Variants in DPYD observed in about 807,000 individuals in gnomAD.
DPYD encodes dihydropyrimidine dehydrogenase.
In DPYD, 109 loss-of-function variants were observed where a neutral mutation model predicts 116.2. The observed-to-expected ratio is 0.94, with a 90% CI of 0.80 to 1.10. The LOEUF is 1.10. Among genes scored for constraint, DPYD ranks in the 50% least tolerant of loss-of-function variants. The probability of loss-of-function intolerance (pLI) is 0.00; values close to 1 mark genes in which losing one functional copy is unlikely to be tolerated. For missense variants in DPYD, 1,302 were observed against 1,254.5 expected (o/e 1.04, Z -0.57); for synonymous variants, 440 against 432.0 (o/e 1.02, Z -0.23).
intron 20 of DPYD, among the ~76,000 whole-genome samples, chr1:97,111,266 T>A (rs142966421): frequency 6.6e-6 from 1 of 152,094 alleles, no homozygotes; most frequent in East Asian, 1.9e-4. Context: ...ATAGAAACTA[T>A]GACAGATGAT....
At chr1:97,545,302 TTATATAAATAAATGTCA>T (rs1192171678) in intron 12 of DPYD, among the ~76,000 whole-genome samples, 5 of 152,178 alleles carry the variant, frequency 3.3e-5, no homozygotes, top group African/African-American at 1.2e-4. Context: ...TCCTATTAAT[TTATATAAATAAATGTCA>T]GTTTCCTTTG....
intron 3 of DPYD, among the ~76,000 whole-genome samples, chr1:97,781,904 A>G (rs890405272): frequency 2.0e-5 from 3 of 152,178 alleles, no homozygotes; most frequent in African/African-American, 7.2e-5. Flanking sequence ...TCCACAGAGG[A>G]GAAGACTGAG....
At chr1:97,739,961 T>TA (rs745528344) in intron 4 of DPYD, among the ~76,000 whole-genome samples, 7 of 152,144 alleles carry the variant, frequency 4.6e-5, no homozygotes, top group South Asian at 2.1e-4. Flanking sequence ...GTCTTAAACA[T>TA]ATTAACTGAA....
chr1:97,750,261 C>T (rs894400859), intron 3 of DPYD, among the ~76,000 whole-genome samples: 1 of 150,816 alleles, frequency 6.6e-6, no homozygotes, highest in African/African-American at 2.4e-5. Context: ...GTGCATGTAC[C>T]CTAGAACTTA....
At chr1:97,123,183 G>A (rs1346964430) in intron 20 of DPYD, among the ~76,000 whole-genome samples, 11 of 152,006 alleles carry the variant, frequency 7.2e-5, no homozygotes, top group Non-Finnish European at 1.0e-4. Context: ...AACATTGTAG[G>A]TTCTCATTTG....
chr1:97,308,317 C>G (rs563623663), intron 16 of DPYD: 7 of 151,786 alleles, frequency 4.6e-5, no homozygotes, highest in African/African-American at 1.7e-4. Flanking sequence ...ATTTGACCCT[C>G]CATGAGTAAA....
At chr1:97,396,631 G>A (rs756258961) in intron 14 of DPYD, among the ~76,000 whole-genome samples, 1 of 152,050 alleles carries the variant, frequency 6.6e-6, no homozygotes, top group South Asian at 2.1e-4. Flanking sequence ...AAGGGCTGAT[G>A]ATAGGGTAGT....
At chr1:97,714,511 T>C (rs912660654) in intron 5 of DPYD, among the ~76,000 whole-genome samples, 1 of 151,960 alleles carries the variant, frequency 6.6e-6, no homozygotes, top group African/African-American at 2.4e-5. Flanking sequence ...GCCTGGCCCA[T>C]ATAGACCCCT....
At chr1:97,097,666 A>T (rs755661710) in intron 21 of DPYD, among the ~76,000 whole-genome samples, 4 of 152,144 alleles carry the variant, frequency 2.6e-5, no homozygotes, top group Non-Finnish European at 4.4e-5. Context: ...CCTGGTGGTG[A>T]TGTCACTGTT....
intron 8 of DPYD, among the ~76,000 whole-genome samples, chr1:97,650,402 T>G (rs1251398616): frequency 6.6e-6 from 1 of 152,190 alleles, no homozygotes; most frequent in African/African-American, 2.4e-5. Context: ...AGTGAAGATT[T>G]AGTTTTATGC....
intron 5 of DPYD, 112 bp downstream of exon 5, chr1:97,721,398 G>T (rs2101025897): frequency 7.8e-7 from 1 of 1,278,680 alleles, no homozygotes; most frequent in Non-Finnish European, 1.1e-6. Context: ...CTTGAGCTGT[G>T]TGTCACACTA....
At chr1:97,361,146 A>G (rs1670703604) in intron 16 of DPYD, among the ~76,000 whole-genome samples, 1 of 152,222 alleles carries the variant, frequency 6.6e-6, no homozygotes, top group African/African-American at 2.4e-5. Context: ...CCACAGAAAT[A>G]CAAACCACCA....
intron 2 of DPYD, among the ~76,000 whole-genome samples, chr1:97,877,021 T>C (rs1671955550): frequency 6.6e-6 from 1 of 151,996 alleles, no homozygotes; most frequent in African/African-American, 2.4e-5. Flanking sequence ...CCTTAGGCTA[T>C]TCTCAGAGGG....
intron 2 of DPYD, among the ~76,000 whole-genome samples, chr1:97,872,339 C>T (rs1671696693): frequency 6.6e-6 from 1 of 151,904 alleles, no homozygotes; most frequent in African/African-American, 2.4e-5. Context: ...AAATAGAGCA[C>T]CCTGCTTAAC....
At chr1:97,757,355 GA>G (rs1665306648) in intron 3 of DPYD, among the ~76,000 whole-genome samples, 1 of 152,106 alleles carries the variant, frequency 6.6e-6, no homozygotes, top group South Asian at 2.1e-4. Context: ...AGGCAGAAGA[GA>G]TGTGCAAATA....
At chr1:97,893,965 C>G (rs930644872) in intron 1 of DPYD, among the ~76,000 whole-genome samples, 1 of 151,808 alleles carries the variant, frequency 6.6e-6, no homozygotes, top group African/African-American at 2.4e-5. Flanking sequence ...ATTCTTAATA[C>G]AGAACAGAGC....
Position 97,920,790 on chromosome 1 carries a change from G to A in DPYD, c.39+94C>T, listed in dbSNP as rs1017217264. 3.1e-5 allele frequency: 46 copies of A among 1,505,960 alleles called. No individual in the cohort carries two copies. In the Admixed American group the frequency reaches 8.6e-4, roughly 28 times the overall value. The allele number at this position is 1,505,960 out of a possible 1,614,324, so 93.3% of individuals were successfully genotyped here. A position where few individuals can be genotyped will look rare whatever the true frequency, so the allele number is the denominator to read the frequency against. On this transcript the variant is annotated intron_variant, in intron 1 of 22. Coordinates refer to ENST00000370192, the MANE Select transcript of DPYD (RefSeq NM_000110.4). The stretch of plus-strand genomic sequence containing the variant: ...AACTTTCCCGCGTCTCTCACTCTCC[G>A]GGGTGCGGGGGCCGCGGGGGCCTCC...
intron 16 of DPYD, among the ~76,000 whole-genome samples, chr1:97,324,671 C>A (rs767490987): frequency 1.3e-5 from 2 of 151,940 alleles, no homozygotes; most frequent in Non-Finnish European, 1.5e-5. Flanking sequence ...ATAAAAATGG[C>A]CTTTAGAATT....
chr1:97,572,798 G>A (rs1271469909), intron 11 of DPYD, among the ~76,000 whole-genome samples: 1 of 151,868 alleles, frequency 6.6e-6, no homozygotes, highest in Non-Finnish European at 1.5e-5. Flanking sequence ...TTGATGCCCT[G>A]CAGATAAAAT....
Sources: gnomAD v4.1 joint callset for allele counts (sites outside exome capture counted in the v4.1 genomes callset) on GRCh38, gnomAD v4.1.1 for gene constraint, MANE v1.5 for transcripts, NCBI Gene and HGNC (gene_info 2026-07-23, HGNC 2026-07-21) for gene names.